Variants in ZNF430 observed in about 807,000 individuals in gnomAD.
ZNF430 encodes zinc finger protein 430.
Under a neutral mutation model 56.7 loss-of-function variants are expected in ZNF430, and 35 were observed. The ratio of observed to expected loss-of-function variants is 0.62; its 90% CI spans 0.47 to 0.82. ZNF430 has a LOEUF of 0.82. Ranked by LOEUF, ZNF430 falls within the 40% of genes least tolerant of loss-of-function variation. The pLI, the probability that ZNF430 is intolerant of heterozygous loss-of-function variation, is 0.00. For missense variants in ZNF430, 574 were observed against 661.0 expected (o/e 0.87, Z 1.44); for synonymous variants, 212 against 224.3 (o/e 0.94, Z 0.49).
At chr19:21,048,062 T>A (rs1216758235) in intron 4 of ZNF430, among the ~76,000 whole-genome samples, 5 of 151,964 alleles carry the variant, frequency 3.3e-5, no homozygotes, top group Non-Finnish European at 7.4e-5. Flanking sequence ...TATCGTTACA[T>A]GCTTTGATTA....
chr19:21,043,391 CTTGTTTTTGTCAGAT>C (rs1468817138), intron 4 of ZNF430, among the ~76,000 whole-genome samples: 1 of 152,134 alleles, frequency 6.6e-6, no homozygotes, highest in Non-Finnish European at 1.5e-5. Flanking sequence ...TTCCTCATTG[CTTGTTTTTGTCAGAT>C]TTTTCAAAGA....
chr19:21,057,126 C>G lies in ZNF430; in HGVS notation c.818C>G (p.Ser273Cys). 1 of 1,613,828 alleles carries G rather than the reference C, an allele frequency of 6.2e-7. No individual in the cohort carries two copies. The highest frequency in any genetic ancestry group is 8.5e-7 in the Non-Finnish European group (1 of 1,179,946). The change falls in exon 5 of 5, where the codon TCC (serine) becomes TGC (cysteine). Residue 273 changes from serine (S) to cysteine (C), a missense_variant. This residue lies in a region of ZNF430 where 346 missense variants were observed against 399.1 expected (regional missense o/e 0.87). Coordinates refer to ENST00000261560, the MANE Select transcript of ZNF430 (RefSeq NM_025189.4). ...CAATGTGGCAAAGCTTTTAAGCAGT[C>G]CTCAACCCTTACTACACATAAGATA... ...CEQCGKAFKQ[S>C]STLTTHKIIH...
chr19:21,044,267 G>C (rs954836277), intron 4 of ZNF430, among the ~76,000 whole-genome samples: 2 of 152,066 alleles, frequency 1.3e-5, no homozygotes, highest in African/African-American at 4.8e-5. Flanking sequence ...TAAATACCTA[G>C]TTTATTGAGC....
In ZNF430 at chr19:21,046,050, G is replaced by C. The variant is rs575647703; in HGVS notation, c.323-10581G>C. Reference sequence around the variant, plus strand: ...TTAAATTTAAGATTAGGCCAGCCACGGTGGCTTATGCCTGTAATCCCAGCA... The same window carrying C: ...TTAAATTTAAGATTAGGCCAGCCACCGTGGCTTATGCCTGTAATCCCAGCA... On this transcript the variant is annotated intron_variant, in intron 4 of 4. Coordinates refer to ENST00000261560, the MANE Select transcript of ZNF430 (RefSeq NM_025189.4). Among the ~76,000 whole-genome samples, 18 of 152,214 alleles carry C rather than the reference G, an allele frequency of 1.2e-4. No homozygotes were observed. In the South Asian group the frequency reaches 3.1e-3, roughly 26 times the overall value.
intron 4 of ZNF430, among the ~76,000 whole-genome samples, chr19:21,039,471 T>TTATTTATTTATG (rs1968064142): frequency 6.6e-6 from 1 of 150,564 alleles, no homozygotes; most frequent in African/African-American, 2.4e-5. Context: ...ATTTATTTAT[T>TTATTTATTTATG]TATTTATTTT....
At chr19:21,039,811 A>G (rs1968071594) in intron 4 of ZNF430, among the ~76,000 whole-genome samples, 1 of 151,900 alleles carries the variant, frequency 6.6e-6, no homozygotes, top group African/African-American at 2.4e-5. Context: ...TGGTCAGAAA[A>G]CACACAGTGT....
intron 4 of ZNF430, chr19:21,053,415 ACAAAGT>A: frequency 6.6e-6 from 1 of 152,230 alleles, no homozygotes; most frequent in South Asian, 2.1e-4. Context: ...TTATTTTGAT[ACAAAGT>A]CTCACTATGT....
At chr19:21,042,987 T>A (rs1049123099) in intron 4 of ZNF430, among the ~76,000 whole-genome samples, 1 of 152,138 alleles carries the variant, frequency 6.6e-6, no homozygotes, top group Admixed American at 6.6e-5. Context: ...TCTTGTAAAT[T>A]TGCTTAAGTT....
At chr19:21,047,833 ACCACTT>A (rs1480846196) in intron 4 of ZNF430, among the ~76,000 whole-genome samples, 1 of 152,152 alleles carries the variant, frequency 6.6e-6, no homozygotes, top group East Asian at 1.9e-4. Context: ...AGATCTGGGA[ACCACTT>A]AAGAAAGCAC....
chr19:21,056,541 G>A, intron 4 of ZNF430, 90 bp from the exon 5 acceptor site: 1 of 966,002 alleles, frequency 1.0e-6, no homozygotes, highest in Non-Finnish European at 1.4e-6. Context: ...TCTTGTTTAT[G>A]TAGTTTGTAT....
intron 2 of ZNF430, among the ~76,000 whole-genome samples, chr19:21,027,409 T>A (rs996035931): frequency 1.3e-5 from 2 of 152,200 alleles, no homozygotes; most frequent in African/African-American, 2.4e-5. Context: ...AATCTTGGTA[T>A]TTGTTATTAG....
chr19:21,033,638 TTTTTTGAGAATAATTTTTG>T, intron 3 of ZNF430, 56 bp downstream of exon 3: 1 of 1,494,274 alleles, frequency 6.7e-7, no homozygotes, highest in South Asian at 1.3e-5. Context: ...TCATTTCTCA[TTTTTTGAGAATAATTTTTG>T]GTAATTTATG....
chr19:21,057,662 A>G lies in ZNF430; in HGVS notation c.1354A>G (p.Thr452Ala), dbSNP rs774211034. The change falls in exon 5 of 5, where the codon ACT becomes GCT. Residue 452 changes from threonine to alanine, a missense_variant. Coordinates refer to ENST00000261560, the MANE Select transcript of ZNF430 (RefSeq NM_025189.4). Reference protein sequence around the residue: ...SNLTAHKIIHTGEKPYKCEEC... With the variant: ...SNLTAHKIIHAGEKPYKCEEC... The stretch of plus-strand genomic sequence containing the variant: ...CCTTACTGCACATAAGATAATTCAT[A>G]CTGGAGAGAAACCCTACAAATGTGA... 3 of 1,612,206 alleles carry G rather than the reference A, an allele frequency of 1.9e-6. No homozygotes were observed. Among genetic ancestry groups the G allele is most frequent in the African/African-American group, 1.3e-5 (1 of 74,790 alleles).
intron 4 of ZNF430, among the ~76,000 whole-genome samples, chr19:21,046,310 T>G (rs1445044231): frequency 8.0e-6 from 1 of 124,642 alleles, no homozygotes; most frequent in Non-Finnish European, 1.7e-5. Context: ...AGAACAAGAC[T>G]CCATCTCAAA....
At position 21,037,129 on chromosome 19, in the gene ZNF430, T is replaced by C. The variant is rs546378130; in HGVS notation, c.322+2945T>C. Among the ~76,000 whole-genome samples the C allele has an allele frequency of 4.2e-4, 63 of 150,806 alleles. 1 individual carries two copies. Among genetic ancestry groups the C allele is most frequent in the African/African-American group, 1.4e-3 (56 of 41,276 alleles). ...AGATTTTCTTTTTTTTTTTTTTTTT[T>C]ATTTTTGAGACGGAGTCTCCTGTCA... On this transcript the variant is annotated intron_variant, in intron 4 of 4. Transcript: ENST00000261560.
chr19:21,048,164 CTTTTTTTTTTTTTTTTTT>C (rs536496163), intron 4 of ZNF430, among the ~76,000 whole-genome samples: 3 of 59,778 alleles, frequency 5.0e-5, no homozygotes, highest in African/African-American at 6.5e-5. Flanking sequence ...CATAAAACAT[CTTTTTTTTTTTTTTTTTT>C]TTTTTTTTTT....
intron 4 of ZNF430, among the ~76,000 whole-genome samples, chr19:21,052,594 C>G (rs1968301301): frequency 6.6e-6 from 1 of 151,776 alleles, no homozygotes; most frequent in Non-Finnish European, 1.5e-5. Context: ...CAGTTTTGAC[C>G]TAAAGTACAT....
chr19:21,037,767 T>C (rs1463745762), intron 4 of ZNF430, among the ~76,000 whole-genome samples: 1 of 152,230 alleles, frequency 6.6e-6, no homozygotes, highest in African/African-American at 2.4e-5. Context: ...ATAGTGGCCA[T>C]TGTAATGGGT....
At chr19:21,020,904 A>C in intron 1 of ZNF430, 101 bp downstream of exon 1, 1 of 1,523,428 alleles carries the variant, frequency 6.6e-7, no homozygotes, top group Non-Finnish European at 9.1e-7. Flanking sequence ...AGTCAGCTGC[A>C]CAATCTGCGC....
Sources: allele counts gnomAD v4.1 joint callset (sites outside exome capture counted in the v4.1 genomes callset), GRCh38; gene constraint gnomAD v4.1.1; regional missense constraint gnomAD v4.1.1; transcripts MANE v1.5; gene names NCBI Gene and HGNC (gene_info 2026-07-23, HGNC 2026-07-21).